The following DSCAM variants were observed in gnomAD, a reference collection of about 807,000 sequenced individuals.
DSCAM encodes DS cell adhesion molecule.
A neutral mutation model predicts 217.7 loss-of-function variants in DSCAM; 47 were observed. The observed-to-expected ratio is 0.22, with a 90% CI of 0.17 to 0.28. DSCAM has a LOEUF of 0.28. Among genes scored for constraint, DSCAM ranks in the 10% least tolerant of loss-of-function variants. DSCAM has a pLI of 1.00. For missense variants in DSCAM, 2,080 were observed against 2,618.3 expected (o/e 0.79, Z 4.49); for synonymous variants, 1,056 against 1,015.3 (o/e 1.04, Z -0.76).
chr21:40,506,974 T>C (rs1240421539), intron 3 of DSCAM, among the ~76,000 whole-genome samples: 1 of 152,220 alleles, frequency 6.6e-6, no homozygotes. Context: ...AAACTTTCTA[T>C]GTTAAAATAA....
At chr21:40,608,979 G>A (rs1203622587) in intron 3 of DSCAM, among the ~76,000 whole-genome samples, 1 of 152,088 alleles carries the variant, frequency 6.6e-6, no homozygotes, top group Non-Finnish European at 1.5e-5. Flanking sequence ...TTTTGGGACA[G>A]GGTCTCACTC....
chr21:40,152,132 A>C lies in DSCAM; in HGVS notation c.3019-7401T>G, dbSNP rs543258921. Among the ~76,000 whole-genome samples, 511 of 147,344 alleles carry C rather than the reference A, an allele frequency of 3.5e-3. 3 individuals carry two copies. Among genetic ancestry groups the C allele is most frequent in the African/African-American group, 8.7e-3 (358 of 40,926 alleles). On this transcript the variant is annotated intron_variant, in intron 16 of 32. Coordinates refer to ENST00000400454, the MANE Select transcript of DSCAM (RefSeq NM_001389.5). ...AAGCATATGGAAAAAAAAAAACACA[A>C]AAAAAACAAAAAACTAAGGGCTCCC... is the stretch of plus-strand genomic sequence containing the variant.
chr21:40,194,766 T>C (rs556948106), intron 11 of DSCAM, among the ~76,000 whole-genome samples: 3 of 152,302 alleles, frequency 2.0e-5, no homozygotes, highest in East Asian at 3.9e-4. Flanking sequence ...CTGCTGTCAT[T>C]GGCCAGGGAG....
rs181766588 is a variant in DSCAM at position 40,742,214 on chromosome 21, A to G, written c.44-33443T>C. ...CAAATCCTGAACAGGAGGTCCCAGC[A>G]GAACTAAGGACAGTGAATTGATTTC... is the stretch of plus-strand genomic sequence containing the variant. On this transcript the variant is annotated intron_variant, in intron 1 of 32. Coordinates refer to ENST00000400454, the MANE Select transcript of DSCAM (RefSeq NM_001389.5). Among the ~76,000 whole-genome samples, 132 of 152,374 alleles carry G rather than the reference A, an allele frequency of 8.7e-4. 1 individual carries two copies. Among genetic ancestry groups the G allele is most frequent in the Middle Eastern group, 3.4e-3 (1 of 294 alleles).
At chr21:40,139,900 TGTG>T (rs775763776) in intron 18 of DSCAM, among the ~76,000 whole-genome samples, 2 of 145,608 alleles carry the variant, frequency 1.4e-5, no homozygotes, top group South Asian at 2.2e-4. Context: ...GTGTGTGAGG[TGTG>T]GTGTGTGTGG....
intron 8 of DSCAM, among the ~76,000 whole-genome samples, chr21:40,313,700 T>A (rs1356911742): frequency 1.3e-5 from 2 of 152,204 alleles, no homozygotes; most frequent in African/African-American, 2.4e-5. Flanking sequence ...TTAACTATTC[T>A]CGGAGGGCTT....
chr21:40,599,412 C>G (rs925395916), intron 3 of DSCAM, among the ~76,000 whole-genome samples: 4 of 152,070 alleles, frequency 2.6e-5, no homozygotes, highest in Non-Finnish European at 5.9e-5. Context: ...GTGTTGTTCT[C>G]CTCCCTGTGT....
In DSCAM at chr21:40,144,906, G is replaced by T. The variant is rs2090336919; in HGVS notation, c.3019-175C>A. 6.6e-6 allele frequency among the ~76,000 whole-genome samples: 1 copy of T among 152,180 alleles called. No homozygotes were observed. Among genetic ancestry groups the T allele is most frequent in the African/African-American group, 2.4e-5 (1 of 41,450 alleles). Reference sequence around the variant, plus strand: ...TACAGTGCAACTTGGTCTGTGCCAGGCACCCTTCCTTTACCTGTGAATGCA... The same window carrying T: ...TACAGTGCAACTTGGTCTGTGCCAGTCACCCTTCCTTTACCTGTGAATGCA... On this transcript the variant is annotated intron_variant, in intron 16 of 32. Transcript: ENST00000400454. The surrounding 1 kb of genome is among the most constrained non-coding windows in gnomAD (Gnocchi z 4.8).
At chr21:40,592,357 G>A (rs1286442001) in intron 3 of DSCAM, among the ~76,000 whole-genome samples, 1 of 152,134 alleles carries the variant, frequency 6.6e-6, no homozygotes, top group East Asian at 1.9e-4. Context: ...ATATGAGCTT[G>A]TATGTCTTAT....
chr21:40,019,219 A>G (rs1179662101), intron 32 of DSCAM, among the ~76,000 whole-genome samples: 1 of 152,194 alleles, frequency 6.6e-6, no homozygotes, highest in Non-Finnish European at 1.5e-5. Flanking sequence ...TTGATCCAGA[A>G]AGAGACACAT....
chr21:40,100,681 A>G (rs1456092124), intron 20 of DSCAM, among the ~76,000 whole-genome samples: 1 of 151,558 alleles, frequency 6.6e-6, no homozygotes, highest in Non-Finnish European at 1.5e-5. Flanking sequence ...CTTCGCTATC[A>G]AGGACAACAG....
chr21:40,258,463 T>A (rs1458741774), intron 11 of DSCAM, among the ~76,000 whole-genome samples: 1 of 152,232 alleles, frequency 6.6e-6, no homozygotes, highest in Non-Finnish European at 1.5e-5. Flanking sequence ...TGGAGCTATG[T>A]GTATTTATCT....
At chr21:40,582,589 C>A (rs1233309262) in intron 3 of DSCAM, among the ~76,000 whole-genome samples, 1 of 152,086 alleles carries the variant, frequency 6.6e-6, no homozygotes. Context: ...GGAGAGATAG[C>A]AAATTAGAGA....
At chr21:40,374,760 C>T (rs1601595909) in intron 3 of DSCAM, among the ~76,000 whole-genome samples, 1 of 152,340 alleles carries the variant, frequency 6.6e-6, no homozygotes, top group South Asian at 2.1e-4. Context: ...ACCTCACTTT[C>T]TCTTTCCGCC....
intron 1 of DSCAM, among the ~76,000 whole-genome samples, chr21:40,787,577 A>G (rs1415327541): frequency 1.3e-5 from 2 of 152,120 alleles, no homozygotes; most frequent in Non-Finnish European, 2.9e-5. Flanking sequence ...ATTTATACTC[A>G]CTTTTATTCA....
At chr21:40,609,621 G>A (rs1568935642) in intron 3 of DSCAM, among the ~76,000 whole-genome samples, 1 of 152,188 alleles carries the variant, frequency 6.6e-6, no homozygotes, top group Non-Finnish European at 1.5e-5. Context: ...CCTGCAGTGT[G>A]GAAGGGATGA....
chr21:40,261,686 CAT>C (rs1491131508), intron 11 of DSCAM, among the ~76,000 whole-genome samples: 2 of 145,386 alleles, frequency 1.4e-5, no homozygotes, highest in East Asian at 4.0e-4. Context: ...CACACACACA[CAT>C]TCTTATATAA....
At chr21:40,029,626 G>C (rs963949019) in intron 32 of DSCAM, among the ~76,000 whole-genome samples, 3 of 152,158 alleles carry the variant, frequency 2.0e-5, no homozygotes, top group Admixed American at 2.0e-4. Context: ...CTTACCTGAA[G>C]AAAGAGCCTA....
intron 16 of DSCAM, 136 bp downstream of exon 16, chr21:40,167,082 A>G: frequency 1.4e-6 from 1 of 705,736 alleles, no homozygotes; most frequent in East Asian, 2.7e-5. Flanking sequence ...CATTTTAAGA[A>G]AAGGGCTTTC....
Sources: gnomAD v4.1 joint callset for allele counts (sites outside exome capture counted in the v4.1 genomes callset) on GRCh38, gnomAD v4.1.1 for gene constraint, Gnocchi (gnomAD v3.1) non-coding constraint, MANE v1.5 for transcripts, NCBI Gene and HGNC (gene_info 2026-07-23, HGNC 2026-07-21) for gene names.